RBFOX1: variants seen among roughly 807,000 people sequenced by gnomAD.
The protein encoded by RBFOX1 is RNA binding protein fox-1 homolog 1.
A neutral mutation model predicts 57.7 loss-of-function variants in RBFOX1; 8 were observed. The ratio of observed to expected loss-of-function variants is 0.14; its 90% confidence interval spans 0.08 to 0.25. RBFOX1 has a LOEUF of 0.25. Among genes scored for constraint, RBFOX1 ranks in the 10% least tolerant of loss-of-function variants. The probability of loss-of-function intolerance (pLI) is 1.00; values close to 1 mark genes in which losing one functional copy is unlikely to be tolerated. For missense variants in RBFOX1, 611 were observed against 548.5 expected (o/e 1.11, Z -1.14); for synonymous variants, 326 against 222.4 (o/e 1.47, Z -4.15).
At chr16:6,861,964 T>G (rs1372548319) in intron 3 of RBFOX1, among the ~76,000 whole-genome samples, 1 of 150,632 alleles carries the variant, frequency 6.6e-6, no homozygotes, top group East Asian at 2.0e-4. Context: ...GAATATGCAA[T>G]GGGAGGCTTG....
intron 3 of RBFOX1, among the ~76,000 whole-genome samples, chr16:5,685,359 A>T (rs185115438): frequency 8.5e-5 from 13 of 152,276 alleles, no homozygotes; most frequent in Admixed American, 2.6e-4. Flanking sequence ...TTTGTCATGG[A>T]GGGGCTCTTA....
chr16:5,497,515 C>G (rs988387303), intron 2 of RBFOX1, among the ~76,000 whole-genome samples: 2 of 151,764 alleles, frequency 1.3e-5, no homozygotes, highest in Non-Finnish European at 2.9e-5. Context: ...TGGCTCATGT[C>G]TCTAATCCCA....
rs60331597 is a variant in RBFOX1, at chr16:6,418,796, T to C, written c.-64+101739T>C. On this transcript the variant is annotated intron_variant, in intron 2 of 15. Transcript: ENST00000550418. ...CCCCTGCCTTGGCCTCCCAATATGC[T>C]GGGATTACAGGCATGAGCCACCACG... 2.4e-3 allele frequency among the ~76,000 whole-genome samples: 360 copies of C among 152,296 alleles called. 1 individual carries two copies. Among genetic ancestry groups the C allele is most frequent in the African/African-American group, 8.4e-3 (349 of 41,560 alleles).
At chr16:6,726,170 C>A (rs1206053319) in intron 3 of RBFOX1, among the ~76,000 whole-genome samples, 2 of 152,014 alleles carry the variant, frequency 1.3e-5, no homozygotes, top group Admixed American at 6.6e-5. Context: ...AAAAATGGAT[C>A]CTGCGTTTCA....
chr16:5,700,053 C>T (rs981579377), intron 3 of RBFOX1, among the ~76,000 whole-genome samples: 14 of 152,076 alleles, frequency 9.2e-5, no homozygotes, highest in East Asian at 1.9e-4. Flanking sequence ...AGGATGGTTT[C>T]GATCTCCTGA....
intron 4 of RBFOX1, among the ~76,000 whole-genome samples, chr16:7,217,974 G>GTGTGTGCATGTGCA (rs1332172739): frequency 4.0e-5 from 6 of 151,812 alleles, no homozygotes; most frequent in African/African-American, 1.4e-4. Flanking sequence ...CTGTGTCTGC[G>GTGTGTGCATGTGCA]TGTGTGCATG....
At chr16:5,764,285 G>A (rs1217491257) in intron 3 of RBFOX1, among the ~76,000 whole-genome samples, 4 of 152,078 alleles carry the variant, frequency 2.6e-5, no homozygotes, top group Admixed American at 6.6e-5. Context: ...TATCTATAAC[G>A]GCATTCTGCC....
intron 2 of RBFOX1, among the ~76,000 whole-genome samples, chr16:6,473,136 A>C (rs995104658): frequency 5.3e-5 from 8 of 152,196 alleles, no homozygotes; most frequent in Non-Finnish European, 1.0e-4. Flanking sequence ...ATGGAAATAA[A>C]ATTTACCTCC....
chr16:7,017,444 G>C (rs1368090218), intron 3 of RBFOX1, among the ~76,000 whole-genome samples: 8 of 152,146 alleles, frequency 5.3e-5, no homozygotes, highest in Non-Finnish European at 5.9e-5. Flanking sequence ...CCAAACCTTA[G>C]CATGCAACGC....
chr16:5,638,473 A>T (rs8057209), intron 3 of RBFOX1, among the ~76,000 whole-genome samples: 3,290 of 152,136 alleles, frequency 0.022, 102 homozygotes, highest in African/African-American at 0.075. Context: ...ATTGCCTCTT[A>T]CTTTTCCCTC....
At chr16:6,318,375 G>T (rs546676286) in intron 2 of RBFOX1, among the ~76,000 whole-genome samples, 4 of 152,172 alleles carry the variant, frequency 2.6e-5, no homozygotes, top group Non-Finnish European at 5.9e-5. Flanking sequence ...GGTGGGGGCT[G>T]TTTGGCATGA....
rs140094904 is a variant in RBFOX1, at chr16:6,541,124, T to C, written c.-63-113479T>C. Among the ~76,000 whole-genome samples the C allele has an allele frequency of 3.1e-4, 47 of 152,284 alleles. No homozygotes were observed. The East Asian group carries it at 8.5e-3, about 28-fold the overall frequency. ...AAACCTGTGTTTCAGAGAGGGAAAA[T>C]AACCTGAGTGTTCACAGTGAGTTGG... is the stretch of plus-strand genomic sequence containing the variant. On this transcript the variant is annotated intron_variant, in intron 2 of 15. Coordinates refer to ENST00000550418, the MANE Select transcript of RBFOX1 (RefSeq NM_018723.4).
intron 4 of RBFOX1, 21 bp from the exon 5 acceptor site, chr16:7,518,126 T>C (rs752211086): frequency 1.3e-5 from 21 of 1,602,026 alleles, no homozygotes; most frequent in Middle Eastern, 1.7e-4. Context: ...TCTCCCTCTC[T>C]GCACCTTTTT....
At chr16:5,368,844 C>T (rs73516655) in intron 1 of RBFOX1, among the ~76,000 whole-genome samples, 55 of 152,278 alleles carry the variant, frequency 3.6e-4, no homozygotes, top group African/African-American at 1.3e-3. Flanking sequence ...ATGGCTGGCT[C>T]TTGTCAAGAG....
At chr16:6,347,083 T>C (rs971481311) in intron 2 of RBFOX1, among the ~76,000 whole-genome samples, 10 of 152,308 alleles carry the variant, frequency 6.6e-5, no homozygotes, top group Admixed American at 2.0e-4. Context: ...GTTCAAAGAA[T>C]CTTAGGGTGA....
At chr16:7,066,393 G>A (rs1324215972) in intron 4 of RBFOX1, among the ~76,000 whole-genome samples, 1 of 152,188 alleles carries the variant, frequency 6.6e-6, no homozygotes, top group Non-Finnish European at 1.5e-5. Flanking sequence ...TACGAGAAGG[G>A]TATGGTTTTC....
chr16:6,528,663 T>G (rs962739400), intron 2 of RBFOX1, among the ~76,000 whole-genome samples: 3 of 152,204 alleles, frequency 2.0e-5, no homozygotes, highest in Non-Finnish European at 4.4e-5. Flanking sequence ...TTGATATCAC[T>G]TGTGCTAGGC....
intron 3 of RBFOX1, among the ~76,000 whole-genome samples, chr16:6,969,723 G>A (rs1363687616): frequency 6.6e-6 from 1 of 151,978 alleles, no homozygotes; most frequent in Non-Finnish European, 1.5e-5. Flanking sequence ...CAGCCTGGGT[G>A]ACAGAGCCAG....
chr16:5,964,457 T>TTATTCACAA (rs1201993474), intron 4 of RBFOX1, among the ~76,000 whole-genome samples: 1 of 152,170 alleles, frequency 6.6e-6, no homozygotes, highest in Non-Finnish European at 1.5e-5. Flanking sequence ...TTTATTCACA[T>TTATTCACAA]TATTCACAAT....
Sources: allele counts gnomAD v4.1 joint callset (sites outside exome capture counted in the v4.1 genomes callset), GRCh38; gene constraint gnomAD v4.1.1; transcripts MANE v1.5; gene names NCBI Gene and HGNC (gene_info 2026-07-23, HGNC 2026-07-21).